The following ZBTB37 variants were observed in gnomAD, a reference collection of about 807,000 sequenced individuals.
ZBTB37 encodes zinc finger and BTB domain containing 37, also known as zinc finger and BTB domain-containing protein 37.
ZBTB37 carries 15 observed loss-of-function variants against 37.7 expected under a neutral mutation model. The observed-to-expected ratio is 0.40, with a 90% CI of 0.27 to 0.61. The LOEUF (loss-of-function observed/expected upper bound fraction) is 0.61, where lower values mean the gene tolerates loss of function less well. ZBTB37 is among the 20% of genes least tolerant of loss of function. The probability of loss-of-function intolerance (pLI) is 0.44; values close to 1 mark genes in which losing one functional copy is unlikely to be tolerated. For missense variants in ZBTB37, 514 were observed against 641.9 expected (o/e 0.80, Z 2.15); for synonymous variants, 231 against 220.6 (o/e 1.05, Z -0.42).
upstream of ZBTB37, chr1:173,868,286 G>C (rs1469503833): frequency 2.6e-5 from 4 of 153,366 alleles, no homozygotes; most frequent in Non-Finnish European, 5.8e-5. Context: ...GGGGGAAGGG[G>C]GGGCGGTGTA....
intron 3 of ZBTB37, among the ~76,000 whole-genome samples, chr1:173,872,092 G>A (rs953139425): frequency 1.3e-5 from 2 of 152,076 alleles, no homozygotes; most frequent in Non-Finnish European, 1.5e-5. Context: ...TATTTGAGAC[G>A]GAGTCTCGCT....
chr1:173,900,799 A>G (rs1277076704), exon 4 of ZBTB37: 2 of 152,262 alleles, frequency 1.3e-5, no homozygotes, highest in Non-Finnish European at 2.9e-5. Flanking sequence ...TATGCCTTAG[A>G]AAATTTGCTG....
At chr1:173,878,087 C>G (rs777723446) in intron 4 of ZBTB37, among the ~76,000 whole-genome samples, 1 of 152,210 alleles carries the variant, frequency 6.6e-6, no homozygotes, top group East Asian at 1.9e-4. Flanking sequence ...TAAACTATTT[C>G]TCTTTCTGCA....
intron 4 of ZBTB37, among the ~76,000 whole-genome samples, chr1:173,877,798 C>G (rs1656066895): frequency 6.6e-6 from 1 of 152,038 alleles, no homozygotes; most frequent in South Asian, 2.1e-4. Context: ...AGTTTTTTTC[C>G]TCTACTACAG....
At chr1:173,901,429 G>C (rs1428791814) in exon 4 of ZBTB37, 3 of 144,590 alleles carry the variant, frequency 2.1e-5, no homozygotes, top group Non-Finnish European at 3.0e-5. Flanking sequence ...TTTGAGACAG[G>C]GTCTTGATCT....
Position 173,896,943 on chromosome 1 carries a change from T to C in ZBTB37, c.*10819T>C, listed in dbSNP as rs116383306. On this transcript the variant is annotated 3_prime_UTR_variant, in exon 4 of 4. Coordinates refer to the ZBTB37 transcript ENST00000367701. ...GTCTCTAGAATGGCTATCTGTTAGA[T>C]AGCAGAAATATTTAGAATGTATATG... The C allele has an allele frequency of 2.7e-3, 408 of 152,350 alleles. 1 individual carries two copies. Among genetic ancestry groups the C allele is most frequent in the African/African-American group, 9.0e-3 (373 of 41,592 alleles). The allele number at this position is 152,350 out of a possible 1,614,324, so 9.4% of individuals were successfully genotyped here. A position where few individuals can be genotyped will look rare whatever the true frequency, so the allele number is the denominator to read the frequency against.
At chr1:173,891,656 GAC>G (rs1656845388) in exon 4 of ZBTB37, 1 of 152,148 alleles carries the variant, frequency 6.6e-6, no homozygotes. Flanking sequence ...AGCCGGGTGT[GAC>G]AGCAGACACC....
At chr1:173,875,133 TG>T (rs1655866188) in intron 4 of ZBTB37, among the ~76,000 whole-genome samples, 1 of 149,334 alleles carries the variant, frequency 6.7e-6, no homozygotes, top group Admixed American at 6.7e-5. Flanking sequence ...TGTGTGTGTG[TG>T]TGTGTGTGTG....
At chr1:173,897,485 AG>A (rs1478436670) in exon 4 of ZBTB37, 3 of 152,194 alleles carry the variant, frequency 2.0e-5, no homozygotes, top group Admixed American at 1.3e-4. Flanking sequence ...CATCTACCTG[AG>A]TAGGGTTGGG....
intron 4 of ZBTB37, among the ~76,000 whole-genome samples, chr1:173,882,073 T>C (rs1421802166): frequency 8.6e-5 from 13 of 151,382 alleles, no homozygotes; most frequent in Admixed American, 8.6e-4. Flanking sequence ...AAGAGAAGTA[T>C]CTATTCATAT....
intron 4 of ZBTB37, among the ~76,000 whole-genome samples, chr1:173,876,122 C>A (rs1310524005): frequency 6.6e-6 from 1 of 151,656 alleles, no homozygotes; most frequent in African/African-American, 2.4e-5. Context: ...TGAGTTTGCT[C>A]ATTTTTTTTT....
chr1:173,873,595 T>C (rs1655712532), intron 4 of ZBTB37, 29 bp downstream of exon 4: 1 of 1,613,218 alleles, frequency 6.2e-7, no homozygotes, highest in East Asian at 2.2e-5. Context: ...AGAACTGCTT[T>C]GGTGGTTGGA....
upstream of ZBTB37, chr1:173,868,120 T>C (rs944818898): frequency 6.3e-6 from 1 of 159,950 alleles, no homozygotes; most frequent in Non-Finnish European, 1.4e-5. Flanking sequence ...TATCACCTTC[T>C]TCCCACCCCT....
At chr1:173,873,943 A>C (rs1361437754) in intron 4 of ZBTB37, among the ~76,000 whole-genome samples, 3 of 152,178 alleles carry the variant, frequency 2.0e-5, no homozygotes, top group African/African-American at 7.2e-5. Context: ...ATTGGCTAAA[A>C]CTCTTAGCAA....
chr1:173,884,153 ATTT>A (rs1246346820), intron 4 of ZBTB37, among the ~76,000 whole-genome samples: 1 of 141,890 alleles, frequency 7.0e-6, no homozygotes. Flanking sequence ...AAATCCAAAG[ATTT>A]TTTTTTTTTT....
chr1:173,872,290 G>T (rs1197592143), intron 3 of ZBTB37, among the ~76,000 whole-genome samples: 1 of 152,040 alleles, frequency 6.6e-6, no homozygotes, highest in East Asian at 1.9e-4. Flanking sequence ...AGCCAGGATG[G>T]TCTCGATCTC....
chr1:173,900,167 C>G (rs537650848), exon 4 of ZBTB37: 1 of 152,254 alleles, frequency 6.6e-6, no homozygotes, highest in East Asian at 1.9e-4. Flanking sequence ...ATCTCTTAGC[C>G]TGTCTTCTAA....
chr1:173,894,519 A>G (rs1021614350), exon 4 of ZBTB37: 4 of 152,216 alleles, frequency 2.6e-5, no homozygotes, highest in African/African-American at 9.6e-5. Context: ...AGGACTCTCC[A>G]TGTGTTCTCT....
exon 4 of ZBTB37, chr1:173,902,728 T>C (rs1657315897): frequency 6.6e-6 from 1 of 152,210 alleles, no homozygotes; most frequent in South Asian, 2.1e-4. Context: ...AAATGCACTT[T>C]AATTCCTAAG....
Sources: allele counts gnomAD v4.1 joint callset (sites outside exome capture counted in the v4.1 genomes callset), GRCh38; gene constraint gnomAD v4.1.1; transcripts MANE v1.5; gene names NCBI Gene and HGNC (gene_info 2026-07-23, HGNC 2026-07-21).